ZNF318: variants seen among roughly 807,000 people sequenced by gnomAD.
ZNF318 encodes the protein zinc finger protein 318.
In ZNF318, 51 loss-of-function variants were observed where a neutral mutation model predicts 124.2. The ratio of observed to expected loss-of-function variants is 0.41; its 90% CI spans 0.33 to 0.52. The LOEUF is 0.52. Ranked by LOEUF, ZNF318 falls within the 20% of genes least tolerant of loss-of-function variation. The pLI, the probability that ZNF318 is intolerant of heterozygous loss-of-function variation, is 0.23. For missense variants in ZNF318, 2,815 were observed against 2,811.2 expected (o/e 1.00, Z -0.03); for synonymous variants, 1,090 against 1,040.7 (o/e 1.05, Z -0.91).
Position 43,339,491 on chromosome 6 carries a change from C to G in ZNF318, c.4507G>C (p.Ala1503Pro). The G allele has an allele frequency of 6.2e-7, 1 of 1,614,144 alleles. No homozygotes were observed. Among genetic ancestry groups the G allele is most frequent in the Non-Finnish European group, 8.5e-7 (1 of 1,180,034 alleles). ...PNILNPVLPV[A>P]IMASAQPAAI... ...GCTGGCTGTGCTGAGGCCATGATGG[C>G]TACAGGCAACACTGGGTTCAAAATG... is the stretch of plus-strand genomic sequence containing the variant. Residue 1503 changes from alanine to proline, a missense_variant, in exon 10 of 10, where the codon GCC (alanine) becomes CCC (proline). Physicochemically the swap from Ala to Pro is conservative, Grantham distance 27 (BLOSUM62 -1). Transcript: ENST00000361428. This position sits in a 1 kb window ranked among gnomAD's most constrained non-coding sequence, Gnocchi z 4.2.
Position 43,339,175 on chromosome 6 carries a change from T to C in ZNF318, c.4823A>G (p.Lys1608Arg), listed in dbSNP as rs1476201548. 3.1e-6 allele frequency: 5 copies of C among 1,614,152 alleles called. No individual in the cohort carries two copies. The East Asian group carries it at 8.9e-5, about 29-fold the overall frequency. ...NGENSNLSRT[K>R]SSDTSSTSPL... is the part of the protein sequence containing the mutation. ...AGAAGTAGAAGAGGTGTCTGAACTT[T>C]TGGTTCTAGAGAGGTTGCTATTTTC... is the stretch of plus-strand genomic sequence containing the variant. The change falls in exon 10 of 10, where the codon AAA becomes AGA. Residue 1608 changes from lysine to arginine, a missense_variant. This residue lies in a region of ZNF318 where 927 missense variants were observed against 820.6 expected (regional missense o/e 1.13). Coordinates refer to ENST00000361428, the MANE Select transcript of ZNF318 (RefSeq NM_014345.3). The surrounding 1 kb of genome is among the most constrained non-coding windows in gnomAD (Gnocchi z 4.2).
At chr6:43,368,683 C>G (rs1581654488) in intron 1 of ZNF318, 1 of 985,470 alleles carries the variant, frequency 1.0e-6, no homozygotes, top group Non-Finnish European at 1.2e-6. Context: ...AAATGCCCCT[C>G]GCCTTGGCAA....
At chr6:43,363,585 G>T in intron 2 of ZNF318, 1 of 340,962 alleles carries the variant, frequency 2.9e-6, no homozygotes, top group South Asian at 3.9e-5. Flanking sequence ...GCAAGGCCAA[G>T]GATAAGGAGT....
At chr6:43,365,946 G>C (rs1003005093) in intron 1 of ZNF318, among the ~76,000 whole-genome samples, 1 of 152,052 alleles carries the variant, frequency 6.6e-6, no homozygotes, top group African/African-American at 2.4e-5. Context: ...ATTCTTACTG[G>C]GCATGGGAAA....
Position 43,340,377 on chromosome 6 carries a change from T to C in ZNF318, c.3621A>G (p.Lys1207=), listed in dbSNP as rs1286827801. ...TTTTTTCTTTCTTCTCCTCCTTTGG[T>C]TTCTCACTAAGTTTGCGCTTTAGCT... ...QSELKRKLSE[K]PKEEKKEKKA... The change falls in exon 10 of 10, where the codon AAA becomes AAG. Residue 1207 remains lysine, a synonymous_variant. Coordinates refer to ENST00000361428, the MANE Select transcript of ZNF318 (RefSeq NM_014345.3). 3.1e-6 allele frequency: 5 copies of C among 1,614,150 alleles called. No homozygotes were observed. The highest frequency in any genetic ancestry group is 3.4e-6 in the Non-Finnish European group (4 of 1,180,028).
chr6:43,363,914 G>C, intron 2 of ZNF318: 2 of 679,506 alleles, frequency 2.9e-6, no homozygotes, highest in Non-Finnish European at 5.3e-6. Context: ...CCTGTGCACA[G>C]AGGCTACTGG....
Position 43,340,412 on chromosome 6 carries a change from G to A in ZNF318, c.3586C>T (p.Arg1196Trp), listed in dbSNP as rs768299384. 2.0e-5 allele frequency: 32 copies of A among 1,613,756 alleles called. No individual in the cohort carries two copies. The highest frequency in any genetic ancestry group is 2.7e-5 in the African/African-American group (2 of 74,798). Residue 1196 changes from arginine to tryptophan, a missense_variant, in exon 10 of 10, where the codon CGG becomes TGG. By Grantham distance (101) the Arg-to-Trp change is moderately radical. Transcript: ENST00000361428. ...AGTTTGCGCTTTAGCTCACTCTGCC[G>A]TCGCCGTTCTGTCTCTAGGACCACA... is the stretch of plus-strand genomic sequence containing the variant. ...LAVVLETERRRQSELKRKLSE... is the reference protein window; with the variant it reads ...LAVVLETERRWQSELKRKLSE...
intron 5 of ZNF318, 128 bp downstream of exon 5, chr6:43,352,249 G>A (rs529276054): frequency 7.4e-6 from 5 of 677,132 alleles, no homozygotes; most frequent in Admixed American, 5.7e-5. Context: ...CAACTTTTTT[G>A]TAAGTTTAAT....
rs1272050042 is a variant in ZNF318 at position 43,337,788 on chromosome 6, C to T, written c.6210G>A (p.Gly2070=). Residue 2070 remains glycine (G), a synonymous_variant, in exon 10 of 10, where the codon GGG becomes GGA. Transcript: ENST00000361428. ...ADFEPIPSFS[G]FPLDSPKTLV... is the part of the protein sequence containing the mutation. The stretch of plus-strand genomic sequence containing the variant: ...AGGTTTTGGGAGAATCTAACGGAAA[C>T]CCAGAAAAAGATGGGATTGGTTCGA... The T allele has an allele frequency of 3.1e-6, 5 of 1,614,026 alleles. No homozygotes were observed. Among genetic ancestry groups the T allele is most frequent in the Non-Finnish European group, 4.2e-6 (5 of 1,180,042 alleles).
chr6:43,345,488 T>C (rs1581641330), intron 6 of ZNF318, among the ~76,000 whole-genome samples: 3 of 152,158 alleles, frequency 2.0e-5, no homozygotes, highest in East Asian at 3.9e-4. Flanking sequence ...TCAGAGACCA[T>C]GAAGACGCAC....
chr6:43,365,491 A>T, intron 1 of ZNF318, 51 bp from the exon 2 acceptor site: 1 of 1,566,240 alleles, frequency 6.4e-7, no homozygotes, highest in Non-Finnish European at 8.7e-7. Flanking sequence ...AGACATCCCT[A>T]CATCCAAAAA....
chr6:43,361,487 C>A (rs769963200), intron 2 of ZNF318, among the ~76,000 whole-genome samples: 1 of 152,182 alleles, frequency 6.6e-6, no homozygotes, highest in African/African-American at 2.4e-5. Context: ...ACCACTTGAG[C>A]CCAGGAGTTT....
rs369509217 is a variant in ZNF318 at position 43,337,812 on chromosome 6, G to C, written c.6186C>G (p.Phe2062Leu). 3 of 1,614,084 alleles carry C rather than the reference G, an allele frequency of 1.9e-6. No individual in the cohort carries two copies. The South Asian group carries it at 3.3e-5, about 18-fold the overall frequency. The change falls in exon 10 of 10, where the codon TTC becomes TTG. Residue 2062 changes from phenylalanine (F) to leucine (L), a missense_variant. Phe to Leu is a conservative substitution (Grantham distance 22). Around this residue, in one of 4 missense-constraint regions of ZNF318, gnomAD observed 927 missense variants for 820.6 expected, o/e 1.13. Transcript: ENST00000361428. ...ACCCAGAAAAAGATGGGATTGGTTC[G>C]AAGTCAGCGGGATCGGAGGAATTAC... ...IGCNSSDPAD[F>L]EPIPSFSGFP...
chr6:43,351,171 T>C (rs1224680662), intron 5 of ZNF318, among the ~76,000 whole-genome samples: 1 of 152,210 alleles, frequency 6.6e-6, no homozygotes, highest in African/African-American at 2.4e-5. Context: ...CTACAAAATA[T>C]GTGACCTCTT....
At chr6:43,353,121 G>A (rs186502248) in intron 4 of ZNF318, among the ~76,000 whole-genome samples, 329 of 152,164 alleles carry the variant, frequency 2.2e-3, no homozygotes, top group African/African-American at 7.4e-3. Flanking sequence ...TATTATCAGC[G>A]CCCTGACTTA....
chr6:43,348,918 T>C (rs1779489345), intron 5 of ZNF318, among the ~76,000 whole-genome samples: 1 of 152,114 alleles, frequency 6.6e-6, no homozygotes, highest in African/African-American at 2.4e-5. Flanking sequence ...CCTGTAATTC[T>C]ATTTACCCGG....
intron 2 of ZNF318, chr6:43,363,875 C>A: frequency 1.4e-6 from 1 of 735,738 alleles, no homozygotes. Flanking sequence ...ACCTGCGGGG[C>A]CATCATCCTG....
chr6:43,365,536 G>GCCACCATGCC, intron 1 of ZNF318, 96 bp from the exon 2 acceptor site: 12 of 1,298,092 alleles, frequency 9.2e-6, no homozygotes, highest in African/African-American at 1.5e-5. Context: ...GCCAGGCATG[G>GCCACCATGCC]TGGCTCATGC....
intron 6 of ZNF318, among the ~76,000 whole-genome samples, chr6:43,344,865 T>C (rs1326311899): frequency 1.3e-5 from 2 of 151,462 alleles, no homozygotes; most frequent in Admixed American, 1.3e-4. Flanking sequence ...AATTAATGTA[T>C]TTGGAATATA....
Sources: allele counts gnomAD v4.1 joint callset (sites outside exome capture counted in the v4.1 genomes callset), GRCh38; gene constraint gnomAD v4.1.1; regional missense constraint gnomAD v4.1.1; non-coding constraint Gnocchi (gnomAD v3.1); transcripts MANE v1.5; gene names NCBI Gene and HGNC (gene_info 2026-07-23, HGNC 2026-07-21).